HDAC8: variants seen among roughly 807,000 people sequenced by gnomAD.
HDAC8 encodes histone deacetylase 8.
In HDAC8, 1 loss-of-function variant was observed where a neutral mutation model predicts 32.2. The ratio of observed to expected loss-of-function variants is 0.03; its 90% CI spans 0.01 to 0.15. The LOEUF is 0.15. Ranked by LOEUF, HDAC8 falls within the 10% of genes least tolerant of loss-of-function variation. HDAC8 has a pLI of 1.00. For synonymous variants in HDAC8, 108 were observed against 113.9 expected, an observed-to-expected ratio of 0.95 and a Z score of 0.33; for missense variants, 117 against 300.0, an observed-to-expected ratio of 0.39 and a Z score of 4.51.
chrX:72,449,196 T>A, intron 9 of HDAC8, among the ~76,000 whole-genome samples: 1 of 112,168 alleles, frequency 8.9e-6, no homozygotes. Flanking sequence ...CCATCAATGA[T>A]AGACTGGATA....
rs146794254 is a variant in HDAC8 at position 72,440,603 on chromosome X, G to A, written c.1005+21401C>T. Among the ~76,000 whole-genome samples, 52 of 112,112 alleles carry A rather than the reference G, an allele frequency of 4.6e-4. No homozygotes were observed. The East Asian group carries it at 9.3e-3, about 20-fold the overall frequency. On this transcript the variant is annotated intron_variant, in intron 9 of 10. Transcript: ENST00000373573. ...AGCAAGACTAATAAAGAGCGTGAGC[G>A]ACGCAGAAGACGGGTGATTTCTGCA...
intron 4 of HDAC8, among the ~76,000 whole-genome samples, chrX:72,554,709 C>A (rs782648218): frequency 9.0e-6 from 1 of 111,571 alleles, no homozygotes; most frequent in East Asian, 2.8e-4. Flanking sequence ...CACCCCCGTC[C>A]CCCACAGCAG....
chrX:72,445,615 A>T (rs2047364035), intron 9 of HDAC8, among the ~76,000 whole-genome samples: 1 of 112,202 alleles, frequency 8.9e-6, no homozygotes, highest in Admixed American at 9.5e-5. Context: ...TTCAGGACAT[A>T]GGCATGGGCA....
rs1217489588 is a variant in HDAC8 at position 72,461,987 on chromosome X, G to A, written c.1005+17C>T. 8.7e-7 allele frequency: 1 copy of A among 1,156,001 alleles called. No homozygotes were observed. Among genetic ancestry groups the A allele is most frequent in the Non-Finnish European group, 1.2e-6 (1 of 846,769 alleles). On this transcript the variant is annotated intron_variant, in intron 9 of 10. Coordinates refer to ENST00000373573, the MANE Select transcript of HDAC8 (RefSeq NM_018486.3). ...CTTCCCCTTAAAGAAGAGAGGACTT[G>A]TCAGAGCCTTACTTACCTCATGATC...
chrX:72,484,480 G>T (rs1324856526), intron 7 of HDAC8, among the ~76,000 whole-genome samples: 1 of 112,115 alleles, frequency 8.9e-6, no homozygotes, highest in Non-Finnish European at 1.9e-5. Flanking sequence ...AAAAAAACAT[G>T]ATTGTTTTTC....
intron 9 of HDAC8, among the ~76,000 whole-genome samples, chrX:72,417,827 G>T (rs1290698062): frequency 9.0e-6 from 1 of 111,595 alleles, no homozygotes; most frequent in African/African-American, 3.2e-5. Flanking sequence ...TATACTACAA[G>T]GATATAGTAA....
chrX:72,434,500 C>G (rs782495213), intron 9 of HDAC8, among the ~76,000 whole-genome samples: 40 of 111,253 alleles, frequency 3.6e-4, no homozygotes, highest in Non-Finnish European at 6.8e-4. Context: ...CTCATACTCA[C>G]CTTCATTCAT....
chrX:72,409,556 T>A (rs2046138078), intron 9 of HDAC8, among the ~76,000 whole-genome samples: 1 of 112,578 alleles, frequency 8.9e-6, no homozygotes, highest in Non-Finnish European at 1.9e-5. Context: ...CCCTATCACA[T>A]GTACTTGAAA....
At chrX:72,389,528 C>A (rs2045555399) in intron 9 of HDAC8, among the ~76,000 whole-genome samples, 1 of 111,867 alleles carries the variant, frequency 8.9e-6, no homozygotes, top group Non-Finnish European at 1.9e-5. Context: ...CAGAAGCATT[C>A]AATCTTCACA....
intron 4 of HDAC8, among the ~76,000 whole-genome samples, chrX:72,500,160 C>T (rs2049161490): frequency 9.0e-6 from 1 of 111,332 alleles, no homozygotes; most frequent in Admixed American, 9.5e-5. Flanking sequence ...CTAAAAAAAG[C>T]CTGGCACTTG....
chrX:72,372,783 T>C (rs1555956850), intron 9 of HDAC8, among the ~76,000 whole-genome samples: 1 of 111,787 alleles, frequency 8.9e-6, no homozygotes, highest in African/African-American at 3.3e-5. Context: ...AGTTTCCTCA[T>C]CTGGAAAATG....
At chrX:72,355,610 T>A (rs1473029001) in intron 9 of HDAC8, among the ~76,000 whole-genome samples, 2 of 111,438 alleles carry the variant, frequency 1.8e-5, no homozygotes, top group Non-Finnish European at 3.8e-5. Context: ...AAGAAAGAAA[T>A]GTAAATAGCT....
intron 9 of HDAC8, among the ~76,000 whole-genome samples, chrX:72,444,537 A>G (rs1444737251): frequency 1.5e-4 from 16 of 106,403 alleles, no homozygotes; most frequent in African/African-American, 3.7e-4. Context: ...GACGTATCTC[A>G]AAATAATAAG....
intron 4 of HDAC8, among the ~76,000 whole-genome samples, chrX:72,536,751 T>C (rs2050539454): frequency 8.9e-6 from 1 of 112,030 alleles, no homozygotes. Flanking sequence ...GTTCCCAACC[T>C]TTTTTGGCTC....
At chrX:72,351,647 C>A in intron 10 of HDAC8, 86 bp downstream of exon 10, 2 of 609,695 alleles carry the variant, frequency 3.3e-6, no homozygotes, top group Non-Finnish European at 5.3e-6. Context: ...TACCAAAAGG[C>A]AAATGGTATT....
chrX:72,393,274 G>A lies in HDAC8; in HGVS notation c.1006-41436C>T, dbSNP rs140590608. ...GGACAATGCCAACACAAACGGAATT[G>A]TACAGTGAAGAAAGAAAAGGAGGGC... On this transcript the variant is annotated intron_variant, in intron 9 of 10. Coordinates refer to ENST00000373573, the MANE Select transcript of HDAC8 (RefSeq NM_018486.3). 2.7e-5 allele frequency among the ~76,000 whole-genome samples: 3 copies of A among 111,648 alleles called. No individual in the cohort carries two copies. The East Asian group carries it at 8.5e-4, about 32-fold the overall frequency.
intron 7 of HDAC8, among the ~76,000 whole-genome samples, chrX:72,482,753 C>T (rs901502334): frequency 4.5e-5 from 5 of 111,761 alleles, no homozygotes; most frequent in Admixed American, 9.5e-5. Flanking sequence ...GGCAGACAGA[C>T]GTGGGTTCAA....
At chrX:72,356,221 G>A (rs185146223) in intron 9 of HDAC8, among the ~76,000 whole-genome samples, 1 of 111,848 alleles carries the variant, frequency 8.9e-6, no homozygotes, top group African/African-American at 3.3e-5. Flanking sequence ...AGCTATGGTA[G>A]CCTATACACT....
chrX:72,342,722 TCAGCAG>T (rs1158145130), intron 10 of HDAC8, among the ~76,000 whole-genome samples: 1 of 111,812 alleles, frequency 8.9e-6, no homozygotes, highest in Non-Finnish European at 1.9e-5. Flanking sequence ...TATGCAACAA[TCAGCAG>T]CTCTGCCAGG....
Sources: allele counts gnomAD v4.1 joint callset (sites outside exome capture counted in the v4.1 genomes callset), GRCh38; gene constraint gnomAD v4.1.1; transcripts MANE v1.5; gene names NCBI Gene and HGNC (gene_info 2026-07-23, HGNC 2026-07-21).